The following PCDHA3 variants were observed in gnomAD, a reference collection of about 807,000 sequenced individuals.
PCDHA3 encodes protocadherin alpha-3.
Under a neutral mutation model 62.2 loss-of-function variants are expected in PCDHA3, and 41 were observed. The ratio of observed to expected loss-of-function variants is 0.66; its 90% CI spans 0.51 to 0.86. PCDHA3 has a LOEUF of 0.86. Ranked by LOEUF, PCDHA3 falls within the 40% of genes least tolerant of loss-of-function variation. The pLI, the probability that PCDHA3 is intolerant of heterozygous loss-of-function variation, is 0.00. For synonymous variants in PCDHA3, 640 were observed against 555.4 expected, an observed-to-expected ratio of 1.15 and a Z score of -2.14; for missense variants, 1,304 against 1,241.2, an observed-to-expected ratio of 1.05 and a Z score of -0.76.
chr5:140,968,185 C>T (rs1554230464), intron 1 of PCDHA3: 1 of 1,614,034 alleles, frequency 6.2e-7, no homozygotes, highest in East Asian at 2.2e-5. Context: ...TGGAGGACTC[C>T]TATTCCATCT....
intron 1 of PCDHA3, among the ~76,000 whole-genome samples, chr5:140,879,645 G>T (rs1392592069): frequency 2.0e-5 from 3 of 152,228 alleles, no homozygotes; most frequent in Non-Finnish European, 4.4e-5. Flanking sequence ...GCTTCCTGTG[G>T]CTGCTATAAC....
chr5:140,801,733 C>A lies in PCDHA3; in HGVS notation c.536C>A (p.Thr179Asn). ...TYSLDSTEYF[T>N]LDVKRNDEEI... Reference sequence around the variant, plus strand: ...AGTCTTGATTCCACTGAATATTTTACCTTGGACGTTAAAAGAAATGATGAG... The same window carrying A: ...AGTCTTGATTCCACTGAATATTTTAACTTGGACGTTAAAAGAAATGATGAG... Residue 179 changes from threonine to asparagine, a missense_variant, in exon 1 of 4, where the codon ACC (threonine) becomes AAC (asparagine). By Grantham distance (65) the Thr-to-Asn change is moderately conservative. Coordinates refer to ENST00000522353, the MANE Select transcript of PCDHA3 (RefSeq NM_018906.3). The A allele has an allele frequency of 1.2e-6, 2 of 1,614,004 alleles. No individual in the cohort carries two copies. Among genetic ancestry groups the A allele is most frequent in the Non-Finnish European group, 1.7e-6 (2 of 1,180,004 alleles).
chr5:140,847,846 ACT>A (rs2150404625), intron 1 of PCDHA3: 1 of 149,820 alleles, frequency 6.7e-6, no homozygotes, highest in Non-Finnish European at 1.5e-5. Flanking sequence ...GTTGGTTGCT[ACT>A]TTTTGTTGAT....
At chr5:140,980,856 G>A (rs559833499) in intron 2 of PCDHA3, among the ~76,000 whole-genome samples, 2 of 152,004 alleles carry the variant, frequency 1.3e-5, no homozygotes, top group African/African-American at 2.4e-5. Context: ...AATCTTTTTC[G>A]TATGTGTGCT....
At position 140,978,454 on chromosome 5, in the gene PCDHA3, C is replaced by T. The variant is rs980177257; in HGVS notation, c.2395-495C>T. Among the ~76,000 whole-genome samples, 5 of 152,314 alleles carry T rather than the reference C, an allele frequency of 3.3e-5. No individual in the cohort carries two copies. The South Asian group carries it at 8.3e-4, about 25-fold the overall frequency. ...TGCTGGTGTTATGACTGGGCACATC[C>T]GCCCTGGGTCAAATATGCTGCAGTC... On this transcript the variant is annotated intron_variant, in intron 1 of 3. Coordinates refer to ENST00000522353, the MANE Select transcript of PCDHA3 (RefSeq NM_018906.3).
chr5:140,922,275 C>T (rs782815629), intron 1 of PCDHA3, among the ~76,000 whole-genome samples: 1 of 152,052 alleles, frequency 6.6e-6, no homozygotes, highest in Non-Finnish European at 1.5e-5. Context: ...AAGATTGGAC[C>T]AAGATATGAA....
intron 1 of PCDHA3, among the ~76,000 whole-genome samples, chr5:140,910,110 G>A (rs964418352): frequency 6.6e-6 from 1 of 152,194 alleles, no homozygotes; most frequent in South Asian, 2.1e-4. Flanking sequence ...TCATTTAAGG[G>A]ATTCTAGGTC....
chr5:140,905,152 G>T (rs2071629879), intron 1 of PCDHA3, among the ~76,000 whole-genome samples: 1 of 152,154 alleles, frequency 6.6e-6, no homozygotes. Context: ...TTATATTTTA[G>T]AATTTTCATG....
At chr5:141,001,384 A>G (rs1554258149) in intron 3 of PCDHA3, among the ~76,000 whole-genome samples, 1 of 152,204 alleles carries the variant, frequency 6.6e-6, no homozygotes, top group African/African-American at 2.4e-5. Context: ...AGAGCCTAAG[A>G]TCCTACAGAG....
chr5:140,885,998 A>G (rs2060805032), intron 1 of PCDHA3, among the ~76,000 whole-genome samples: 1 of 152,190 alleles, frequency 6.6e-6, no homozygotes, highest in Non-Finnish European at 1.5e-5. Context: ...GTTGAAAGAA[A>G]TAGTAAAGGG....
intron 1 of PCDHA3, among the ~76,000 whole-genome samples, chr5:140,969,673 G>A (rs1226601717): frequency 3.3e-5 from 5 of 152,170 alleles, no homozygotes; most frequent in African/African-American, 9.7e-5. Flanking sequence ...AATGTTATGA[G>A]ACTCAAGGAG....
At chr5:140,961,743 A>G (rs1585893660) in intron 1 of PCDHA3, among the ~76,000 whole-genome samples, 1 of 152,170 alleles carries the variant, frequency 6.6e-6, no homozygotes, top group East Asian at 1.9e-4. Flanking sequence ...CTTTAGTAAT[A>G]TTACAGTTTT....
Position 140,838,427 on chromosome 5 carries a change from A to T in PCDHA3, c.2394+34836A>T, listed in dbSNP as rs1775725974. The stretch of plus-strand genomic sequence containing the variant: ...GAGTGAGCCACCGCATCCGGCCTAA[A>T]TTATATATTGGGTTTTGTGGCATAT... On this transcript the variant is annotated intron_variant, in intron 1 of 3. Coordinates refer to ENST00000522353, the MANE Select transcript of PCDHA3 (RefSeq NM_018906.3). Among the ~76,000 whole-genome samples the T allele has an allele frequency of 2.0e-5, 3 of 151,540 alleles. No individual in the cohort carries two copies. The South Asian group carries it at 6.2e-4, about 32-fold the overall frequency.
At chr5:140,836,236 C>T (rs2150256110) in intron 1 of PCDHA3, 1 of 1,613,794 alleles carries the variant, frequency 6.2e-7, no homozygotes, top group East Asian at 2.2e-5. Flanking sequence ...GCGGCCGGTG[C>T]GAGCATCCCG....
At chr5:140,947,454 C>T (rs138457341) in intron 1 of PCDHA3, among the ~76,000 whole-genome samples, 1 of 151,582 alleles carries the variant, frequency 6.6e-6, no homozygotes, top group Non-Finnish European at 1.5e-5. Flanking sequence ...ATCCTCCAAC[C>T]TTGTTCTACT....
Position 140,927,102 on chromosome 5 carries a change from A to G in PCDHA3, c.2395-51847A>G, listed in dbSNP as rs144696843. 1.4e-5 allele frequency: 23 copies of G among 1,613,520 alleles called. No individual in the cohort carries two copies. In the African/African-American group the frequency reaches 1.7e-4, roughly 12 times the overall value. ...GCGAGCTCTACTTCGGGGTGGATCTACCCAGCGGCAATTTGGTGGTCAGAG... is the reference window on the plus strand; with the variant it reads ...GCGAGCTCTACTTCGGGGTGGATCTGCCCAGCGGCAATTTGGTGGTCAGAG... On this transcript the variant is annotated intron_variant, in intron 1 of 3. Transcript: ENST00000522353.
chr5:140,989,727 A>C (rs1203211477), intron 3 of PCDHA3, among the ~76,000 whole-genome samples: 7 of 152,190 alleles, frequency 4.6e-5, no homozygotes, highest in African/African-American at 1.7e-4. Context: ...TTTGCAGTTG[A>C]AAAGGCCATT....
intron 1 of PCDHA3, chr5:140,861,479 T>C: frequency 2.0e-6 from 1 of 490,568 alleles, no homozygotes; most frequent in Non-Finnish European, 4.2e-6. Context: ...AGAATGGCAT[T>C]TTTGTGAGTT....
chr5:140,897,461 A>G (rs1374397258), intron 1 of PCDHA3, among the ~76,000 whole-genome samples: 5 of 151,630 alleles, frequency 3.3e-5, no homozygotes, highest in African/African-American at 4.8e-5. Flanking sequence ...TCCTTGCGAT[A>G]GTTTACTGAG....
Sources: allele counts gnomAD v4.1 joint callset (sites outside exome capture counted in the v4.1 genomes callset), GRCh38; gene constraint gnomAD v4.1.1; transcripts MANE v1.5; gene names NCBI Gene and HGNC (gene_info 2026-07-23, HGNC 2026-07-21).